PIK3AP1: variants seen among roughly 807,000 people sequenced by gnomAD.
PIK3AP1 encodes the protein phosphoinositide 3-kinase adapter protein 1.
Under a neutral mutation model 88.1 loss-of-function variants are expected in PIK3AP1, and 21 were observed. That is an observed-to-expected ratio of 0.24 (90% CI 0.17 to 0.34). The LOEUF is 0.34. Among genes scored for constraint, PIK3AP1 ranks in the 10% least tolerant of loss-of-function variants. The probability of loss-of-function intolerance (pLI) is 1.00; values close to 1 mark genes in which losing one functional copy is unlikely to be tolerated. For missense variants in PIK3AP1, 828 were observed against 1,035.7 expected, an observed-to-expected ratio of 0.80 and a Z score of 2.75; for synonymous variants, 398 against 400.0, an observed-to-expected ratio of 1.00 and a Z score of 0.06.
chr10:96,706,157 G>T (rs185114621), intron 2 of PIK3AP1, among the ~76,000 whole-genome samples: 1,896 of 151,640 alleles, frequency 0.013, 25 homozygotes, highest in African/African-American at 0.032. Context: ...CCTCCCAAAG[G>T]GCTGGGATTA....
At chr10:96,641,618 A>G (rs1160068922) in intron 8 of PIK3AP1, among the ~76,000 whole-genome samples, 4 of 152,206 alleles carry the variant, frequency 2.6e-5, no homozygotes, top group Admixed American at 2.6e-4. Flanking sequence ...CTAGAAGGGC[A>G]GGCCAGGAGA....
intron 14 of PIK3AP1, among the ~76,000 whole-genome samples, chr10:96,606,270 T>C (rs1849000907): frequency 6.6e-6 from 1 of 152,048 alleles, no homozygotes; most frequent in Non-Finnish European, 1.5e-5. Context: ...CCTCCCCACA[T>C]TCCCCCAACT....
At chr10:96,708,824 A>G (rs745966951) in intron 2 of PIK3AP1, among the ~76,000 whole-genome samples, 4 of 151,786 alleles carry the variant, frequency 2.6e-5, no homozygotes, top group Non-Finnish European at 4.4e-5. Context: ...CTCTATAAAC[A>G]TGTTATCGAA....
At chr10:96,657,395 A>G (rs1589520265) in intron 2 of PIK3AP1, among the ~76,000 whole-genome samples, 2 of 152,306 alleles carry the variant, frequency 1.3e-5, no homozygotes, top group Admixed American at 1.3e-4. Context: ...TGGCTAGCCA[A>G]TGTATCCCCT....
intron 2 of PIK3AP1, among the ~76,000 whole-genome samples, chr10:96,691,082 T>C (rs1431189404): frequency 2.0e-5 from 3 of 152,168 alleles, no homozygotes; most frequent in African/African-American, 7.2e-5. Flanking sequence ...TGCCCATAGC[T>C]TGCTTAATTC....
chr10:96,651,811 T>G (rs374640191), intron 4 of PIK3AP1, among the ~76,000 whole-genome samples, 160 bp from the exon 5 acceptor site: 1 of 151,002 alleles, frequency 6.6e-6, no homozygotes, highest in African/African-American at 2.4e-5. Context: ...AGGGAAAGGG[T>G]GGAGGTAGCA....
chr10:96,613,109 C>G (rs777456590), intron 13 of PIK3AP1, among the ~76,000 whole-genome samples: 9 of 149,914 alleles, frequency 6.0e-5, no homozygotes, highest in Non-Finnish European at 1.2e-4. Flanking sequence ...AGCGATTCTC[C>G]TGCCTCAGCC....
chr10:96,679,633 C>T (rs1450898455), intron 2 of PIK3AP1, among the ~76,000 whole-genome samples: 1 of 152,170 alleles, frequency 6.6e-6, no homozygotes, highest in African/African-American at 2.4e-5. Context: ...GAAATCCCAA[C>T]TCAAAATGCC....
chr10:96,616,500 TG>T, intron 13 of PIK3AP1, 138 bp downstream of exon 13: 1 of 834,038 alleles, frequency 1.2e-6, no homozygotes, highest in Non-Finnish European at 2.0e-6. Flanking sequence ...TACAGTCTAG[TG>T]GGGGACCCAG....
chr10:96,626,658 G>A (rs778860731), intron 10 of PIK3AP1, 50 bp downstream of exon 10: 3 of 1,578,966 alleles, frequency 1.9e-6, no homozygotes, highest in Non-Finnish European at 2.6e-6. Context: ...GGAAATCCCT[G>A]TTGAGAAGCT....
chr10:96,702,536 G>A (rs975408400), intron 2 of PIK3AP1, among the ~76,000 whole-genome samples: 17 of 149,204 alleles, frequency 1.1e-4, no homozygotes, highest in Non-Finnish European at 2.1e-4. Context: ...AGCATCTAAC[G>A]TACAGCATGG....
At chr10:96,684,365 TC>T (rs1844041623) in intron 2 of PIK3AP1, among the ~76,000 whole-genome samples, 2 of 152,230 alleles carry the variant, frequency 1.3e-5, no homozygotes, top group Non-Finnish European at 2.9e-5. Flanking sequence ...GCTGGTTTCC[TC>T]CCAGGTGCCA....
chr10:96,638,929 C>T (rs1408413636), intron 8 of PIK3AP1, among the ~76,000 whole-genome samples: 1 of 116,000 alleles, frequency 8.6e-6, no homozygotes, highest in Non-Finnish European at 1.8e-5. Context: ...GATTTAAACA[C>T]ATGAGAGGTT....
At chr10:96,609,637 A>G in intron 14 of PIK3AP1, 75 bp downstream of exon 14, 1 of 1,506,994 alleles carries the variant, frequency 6.6e-7, no homozygotes, top group East Asian at 2.3e-5. Flanking sequence ...TCTTAAGAGG[A>G]TGTTTCCTAA....
chr10:96,678,961 C>T (rs1843962704), intron 2 of PIK3AP1, among the ~76,000 whole-genome samples: 1 of 152,174 alleles, frequency 6.6e-6, no homozygotes, highest in Admixed American at 6.5e-5. Flanking sequence ...CAAAAACCTC[C>T]CCCACCTCCA....
intron 7 of PIK3AP1, 47 bp downstream of exon 7, chr10:96,648,612 C>T: frequency 2.6e-6 from 4 of 1,554,500 alleles, no homozygotes; most frequent in East Asian, 2.4e-5. Flanking sequence ...AGCCATACTA[C>T]CACAGAGTGC....
intron 1 of PIK3AP1, among the ~76,000 whole-genome samples, chr10:96,710,603 CATAACAATA>C (rs981870376): frequency 3.4e-4 from 52 of 152,192 alleles, no homozygotes; most frequent in African/African-American, 1.1e-3. Context: ...AGTATGAGAT[CATAACAATA>C]ATAACAATAA....
intron 8 of PIK3AP1, among the ~76,000 whole-genome samples, chr10:96,635,280 G>C (rs1371638369): frequency 6.6e-6 from 1 of 152,174 alleles, no homozygotes. Context: ...GAAGGAAAGA[G>C]AGGACAGAAA....
rs147274720 is a variant in PIK3AP1, at chr10:96,667,301, A to G, written c.431-10367T>C. Among the ~76,000 whole-genome samples, 195 of 152,308 alleles carry G rather than the reference A, an allele frequency of 1.3e-3. 3 individuals carry two copies. In the South Asian group the frequency reaches 0.019, roughly 15 times the overall value. On this transcript the variant is annotated intron_variant, in intron 2 of 16. Transcript: ENST00000339364. ...GTGTGGAAAAGAATGACGTTTGCTG[A>G]TCTTGGAGAATATTTTTCAGAGGAC...
Sources: gnomAD v4.1 joint callset for allele counts (sites outside exome capture counted in the v4.1 genomes callset) on GRCh38, gnomAD v4.1.1 for gene constraint, MANE v1.5 for transcripts, NCBI Gene and HGNC (gene_info 2026-07-23, HGNC 2026-07-21) for gene names.